Variants in CSGALNACT1 observed in about 807,000 individuals in gnomAD.
The protein encoded by CSGALNACT1 is beta4GalNAcT-1.
In CSGALNACT1, 52 loss-of-function variants were observed where a neutral mutation model predicts 51.0. That is an observed-to-expected ratio of 1.02 (90% confidence interval 0.82 to 1.29). The LOEUF (loss-of-function observed/expected upper bound fraction) is 1.29, where lower values mean the gene tolerates loss of function less well. Ranked by LOEUF, CSGALNACT1 falls within the 50% of genes most tolerant of loss-of-function variation. The pLI, the probability that CSGALNACT1 is intolerant of heterozygous loss-of-function variation, is 0.00. For missense variants in CSGALNACT1, 935 were observed against 679.2 expected, an observed-to-expected ratio of 1.38 and a Z score of -4.19; for synonymous variants, 341 against 254.4, an observed-to-expected ratio of 1.34 and a Z score of -3.24.
intron 1 of CSGALNACT1, among the ~76,000 whole-genome samples, chr8:19,698,064 A>C (rs1178993919): frequency 7.4e-6 from 1 of 136,024 alleles, no homozygotes; most frequent in Non-Finnish European, 1.7e-5. Flanking sequence ...TGGGAGCTCC[A>C]CTGCGGGGGC....
At chr8:19,637,547 G>A (rs960928725) in intron 1 of CSGALNACT1, among the ~76,000 whole-genome samples, 2 of 152,138 alleles carry the variant, frequency 1.3e-5, no homozygotes, top group African/African-American at 2.4e-5. Flanking sequence ...AATGTTAGCC[G>A]AACAGTTATG....
At chr8:19,467,221 A>G (rs909700257) in intron 4 of CSGALNACT1, among the ~76,000 whole-genome samples, 1 of 144,962 alleles carries the variant, frequency 6.9e-6, no homozygotes, top group African/African-American at 2.6e-5. Context: ...TCGGTTTCAC[A>G]GTATTCTCCT....
Position 19,462,202 on chromosome 8 carries a change from C to G in CSGALNACT1, c.635-3560G>C, listed in dbSNP as rs553876306. On this transcript the variant is annotated intron_variant, in intron 4 of 9. Coordinates refer to ENST00000454498, the Ensembl canonical transcript of CSGALNACT1. The stretch of plus-strand genomic sequence containing the variant: ...AGAGGCCATATCTGCACAACTGAAA[C>G]AGGTCTCCCCGTGTGGGTGACTGCA... Among the ~76,000 whole-genome samples the G allele has an allele frequency of 2.3e-3, 347 of 152,372 alleles. 1 individual carries two copies. Among genetic ancestry groups the G allele is most frequent in the Middle Eastern group, 0.014 (4 of 294 alleles).
At chr8:19,636,627 G>A (rs985534979) in intron 1 of CSGALNACT1, among the ~76,000 whole-genome samples, 9 of 152,068 alleles carry the variant, frequency 5.9e-5, no homozygotes, top group Admixed American at 3.3e-4. Flanking sequence ...TTCCAAAATC[G>A]ATGTTCACAC....
intron 8 of CSGALNACT1, among the ~76,000 whole-genome samples, chr8:19,417,459 C>T (rs1296187597): frequency 6.6e-6 from 1 of 152,146 alleles, no homozygotes; most frequent in East Asian, 1.9e-4. Context: ...CTGGAAACAA[C>T]AGGTTTTGCT....
At position 19,470,777 on chromosome 8, in the gene CSGALNACT1, G is replaced by A. The variant is rs959237671; in HGVS notation, c.635-12135C>T. Among the ~76,000 whole-genome samples the A allele has an allele frequency of 3.3e-5, 5 of 152,160 alleles. No individual in the cohort carries two copies. The East Asian group carries it at 7.7e-4, about 23-fold the overall frequency. ...AACTGAACGCAGGCCCTAAGGAGAA[G>A]CAATGTCCTGGGAACATGTGTTAAG... On this transcript the variant is annotated intron_variant, in intron 4 of 9. Coordinates refer to ENST00000454498, the Ensembl canonical transcript of CSGALNACT1.
intron 8 of CSGALNACT1, among the ~76,000 whole-genome samples, chr8:19,418,241 G>A (rs1338064717): frequency 1.3e-5 from 2 of 152,176 alleles, no homozygotes; most frequent in Non-Finnish European, 2.9e-5. Flanking sequence ...TGCCTGCAAG[G>A]TCCAGGGAAT....
intron 4 of CSGALNACT1, among the ~76,000 whole-genome samples, chr8:19,486,415 G>T (rs973512289): frequency 1.3e-5 from 2 of 152,112 alleles, no homozygotes; most frequent in Non-Finnish European, 2.9e-5. Context: ...CTCACTGAGG[G>T]TAAAAGCCAA....
At chr8:19,716,840 C>T (rs2062841644) in intron 1 of CSGALNACT1, among the ~76,000 whole-genome samples, 1 of 151,950 alleles carries the variant, frequency 6.6e-6, no homozygotes, top group South Asian at 2.1e-4. Flanking sequence ...ATACTTCCTT[C>T]AACCTCCAAA....
chr8:19,440,719 G>A (rs1335998421), intron 5 of CSGALNACT1, among the ~76,000 whole-genome samples: 5 of 151,726 alleles, frequency 3.3e-5, no homozygotes, highest in Non-Finnish European at 7.4e-5. Flanking sequence ...TCTGGCCAGG[G>A]CAATTAGGCA....
rs34664028 is a variant in CSGALNACT1, at chr8:19,553,902, A to AACACACACACACAC, written c.-297+37244_-297+37257dup. On this transcript the variant is annotated intron_variant, in intron 3 of 9. Coordinates refer to ENST00000454498, the Ensembl canonical transcript of CSGALNACT1. ...TCACCGAACAAGAAAGAACTCGTAG[A>AACACACACACACAC]ACACACACACACACACACACACACC... 3.7e-3 allele frequency among the ~76,000 whole-genome samples: 551 copies of AACACACACACACAC among 147,552 alleles called. 3 individuals carry two copies. The highest frequency in any genetic ancestry group is 0.011 in the African/African-American group (458 of 40,070).
At chr8:19,512,262 G>A (rs1397702970) in intron 3 of CSGALNACT1, among the ~76,000 whole-genome samples, 1 of 152,186 alleles carries the variant, frequency 6.6e-6, no homozygotes, top group Non-Finnish European at 1.5e-5. Context: ...AAGGAACAGA[G>A]GCAGGCCTGC....
At chr8:19,665,457 A>G (rs1430345597) in intron 1 of CSGALNACT1, among the ~76,000 whole-genome samples, 1 of 152,188 alleles carries the variant, frequency 6.6e-6, no homozygotes, top group Non-Finnish European at 1.5e-5. Flanking sequence ...AAGGAGTAAG[A>G]GGCAACTGCC....
intron 1 of CSGALNACT1, among the ~76,000 whole-genome samples, chr8:19,653,108 C>T (rs2057962273): frequency 6.6e-6 from 1 of 152,130 alleles, no homozygotes; most frequent in Admixed American, 6.5e-5. Flanking sequence ...AACCAACTCC[C>T]CCCTCCTAGA....
chr8:19,435,187 T>C (rs926612054), intron 6 of CSGALNACT1, among the ~76,000 whole-genome samples: 4 of 152,194 alleles, frequency 2.6e-5, no homozygotes, highest in African/African-American at 4.8e-5. Flanking sequence ...CCAATTCATC[T>C]ATCAGTTACA....
At chr8:19,658,622 T>G (rs964363171) in intron 1 of CSGALNACT1, among the ~76,000 whole-genome samples, 10 of 152,062 alleles carry the variant, frequency 6.6e-5, no homozygotes, top group African/African-American at 2.4e-4. Context: ...TAGTCCCAGC[T>G]ACTTGGGAGG....
At chr8:19,595,518 G>T (rs2048698841) in intron 2 of CSGALNACT1, among the ~76,000 whole-genome samples, 1 of 152,004 alleles carries the variant, frequency 6.6e-6, no homozygotes, top group Non-Finnish European at 1.5e-5. Context: ...TGATTTTCAT[G>T]AAAAAATTAA....
intron 1 of CSGALNACT1, among the ~76,000 whole-genome samples, chr8:19,640,246 C>T (rs2056584739): frequency 6.6e-6 from 1 of 152,160 alleles, no homozygotes; most frequent in South Asian, 2.1e-4. Context: ...ATTTTGCTCA[C>T]TTTATGAAAT....
intron 1 of CSGALNACT1, among the ~76,000 whole-genome samples, chr8:19,617,656 G>A (rs1285279889): frequency 6.6e-6 from 1 of 152,150 alleles, no homozygotes; most frequent in Non-Finnish European, 1.5e-5. Flanking sequence ...TGAACAAGAA[G>A]TTCCAAAAAT....
Sources: allele counts gnomAD v4.1 joint callset (sites outside exome capture counted in the v4.1 genomes callset), GRCh38; gene constraint gnomAD v4.1.1; transcripts MANE v1.5; gene names NCBI Gene and HGNC (gene_info 2026-07-23, HGNC 2026-07-21).